PUS10: variants seen among roughly 807,000 people sequenced by gnomAD.
PUS10 encodes the protein tRNA pseudouridine synthase Pus10.
Under a neutral mutation model 75.0 loss-of-function variants are expected in PUS10, and 59 were observed. That is an observed-to-expected ratio of 0.79 (90% CI 0.64 to 0.98). PUS10 has a LOEUF of 0.98. Ranked by LOEUF, PUS10 falls within the 50% of genes least tolerant of loss-of-function variation. The pLI, the probability that PUS10 is intolerant of heterozygous loss-of-function variation, is 0.00. For missense variants in PUS10, 650 were observed against 614.4 expected (o/e 1.06, Z -0.61); for synonymous variants, 219 against 211.6 (o/e 1.03, Z -0.30).
At chr2:60,981,304 A>G (rs1305543738) in intron 4 of PUS10, among the ~76,000 whole-genome samples, 1 of 151,910 alleles carries the variant, frequency 6.6e-6, no homozygotes, top group East Asian at 1.9e-4. Flanking sequence ...TTTTTTTGAG[A>G]CTGAGTCTCG....
At chr2:60,958,236 C>T (rs189840398) in intron 11 of PUS10, among the ~76,000 whole-genome samples, 79 of 152,282 alleles carry the variant, frequency 5.2e-4, no homozygotes, top group African/African-American at 1.8e-3. Context: ...CCCTTCATAA[C>T]CTGCATAAGT....
intron 10 of PUS10, 143 bp downstream of exon 10, chr2:60,961,320 G>T: frequency 3.0e-6 from 2 of 672,948 alleles, no homozygotes; most frequent in Non-Finnish European, 5.3e-6. Flanking sequence ...AAATAAGTTT[G>T]GCTATTGATT....
At chr2:61,014,843 A>G (rs1382782701) in intron 1 of PUS10, among the ~76,000 whole-genome samples, 2 of 152,176 alleles carry the variant, frequency 1.3e-5, no homozygotes, top group African/African-American at 4.8e-5. Context: ...GCGTTTTCCA[A>G]ACCTCTAAAA....
At chr2:61,015,560 G>C (rs1012940550) in intron 1 of PUS10, among the ~76,000 whole-genome samples, 1 of 152,110 alleles carries the variant, frequency 6.6e-6, no homozygotes, top group Non-Finnish European at 1.5e-5. Flanking sequence ...TTAGCCATGC[G>C]TGGTGGCACG....
chr2:61,004,992 T>C (rs2104678547), intron 4 of PUS10, among the ~76,000 whole-genome samples: 1 of 152,252 alleles, frequency 6.6e-6, no homozygotes, highest in Non-Finnish European at 1.5e-5. Context: ...CAGTGACTCA[T>C]GCCTGTAATC....
intron 16 of PUS10, among the ~76,000 whole-genome samples, chr2:60,947,158 T>C (rs1413825061): frequency 1.3e-5 from 2 of 152,360 alleles, no homozygotes; most frequent in South Asian, 4.1e-4. Context: ...TCAAAGCTCT[T>C]TGCAGTCTGA....
Position 60,967,564 on chromosome 2 carries a change from C to G in PUS10, c.553G>C (p.Ala185Pro). ...GRDDIVQLKE[A>P]YKWITHPLFS... Reference sequence around the variant, plus strand: ...AGGGGGTGAGTTATCCATTTGTAGGCTTCTTTTAGCTGAACTATATCATCT... The same window carrying G: ...AGGGGGTGAGTTATCCATTTGTAGGGTTCTTTTAGCTGAACTATATCATCT... Residue 185 changes from alanine to proline, a missense_variant, in exon 6 of 18, where the codon GCC (alanine) becomes CCC (proline). Physicochemically the swap from Ala to Pro is conservative, Grantham distance 27 (BLOSUM62 -1). Transcript: ENST00000316752. The G allele has an allele frequency of 6.2e-7, 1 of 1,609,706 alleles. No individual in the cohort carries two copies. The highest frequency in any genetic ancestry group is 8.5e-7 in the Non-Finnish European group (1 of 1,177,994).
At chr2:60,973,291 G>A (rs1267403483) in intron 4 of PUS10, among the ~76,000 whole-genome samples, 1 of 152,248 alleles carries the variant, frequency 6.6e-6, no homozygotes, top group Non-Finnish European at 1.5e-5. Context: ...GAGGCAGGCA[G>A]TCCCTGGAGT....
At chr2:60,962,992 T>C in intron 8 of PUS10, 102 bp from the exon 9 acceptor site, 1 of 1,425,158 alleles carries the variant, frequency 7.0e-7, no homozygotes, top group Non-Finnish European at 9.1e-7. Context: ...ATCATTTCAT[T>C]ATATCATTTC....
Position 61,011,856 on chromosome 2 carries a change from G to A in PUS10, c.35C>T (p.Ala12Val), listed in dbSNP as rs751736619. ...FPLTEENKHV[A>V]QLLLNTGTCP... ...AGTACCAGTATTGAGCAACAACTGG[G>A]CCACATGCTTGTTTTCCTCAGTCAG... is the stretch of plus-strand genomic sequence containing the variant. Residue 12 changes from alanine to valine, a missense_variant, in exon 2 of 18, where the codon GCC (alanine) becomes GTC (valine). Transcript: ENST00000316752. 6 of 1,606,926 alleles carry A rather than the reference G, an allele frequency of 3.7e-6. No individual in the cohort carries two copies. The highest frequency in any genetic ancestry group is 1.1e-5 in the South Asian group (1 of 89,626).
At position 61,008,857 on chromosome 2, in the gene PUS10, ATGAC is replaced by A; in HGVS notation, c.281_284del (p.Ser94MetfsTer12). On this transcript the variant is annotated frameshift_variant, in exon 3 of 18. Transcript: ENST00000316752. LOFTEE classifies it high-confidence loss of function. Reference sequence around the variant, plus strand: ...AGTTCTTGGAAGCAGTGCTTCCAACATGACTAACAGAGATCCTTCCCTCTCCATT... The same window carrying A: ...AGTTCTTGGAAGCAGTGCTTCCAACATAACAGAGATCCTTCCCTCTCCATT... The A allele has an allele frequency of 6.2e-7, 1 of 1,613,578 alleles. No homozygotes were observed. Among genetic ancestry groups the A allele is most frequent in the Non-Finnish European group, 8.5e-7 (1 of 1,179,652 alleles).
intron 15 of PUS10, among the ~76,000 whole-genome samples, chr2:60,949,776 T>C (rs1349367161): frequency 6.6e-6 from 1 of 152,226 alleles, no homozygotes; most frequent in Non-Finnish European, 1.5e-5. Flanking sequence ...TCTGTACCTA[T>C]GAAAATCATC....
rs769152849 is a variant in PUS10, at chr2:61,011,892, T to C, written c.-2A>G. ...GTTTTCCTCAGTCAGTGGGAACATA[T>C]TGAATAATTATAACTAGAAAGAAAA... On this transcript the variant is annotated 5_prime_UTR_variant, in exon 2 of 18. Coordinates refer to ENST00000316752, the MANE Select transcript of PUS10 (RefSeq NM_144709.4). 8.8e-6 allele frequency: 14 copies of C among 1,595,320 alleles called. No individual in the cohort carries two copies. The highest frequency in any genetic ancestry group is 6.8e-5 in the African/African-American group (5 of 73,734).
At position 60,999,343 on chromosome 2, in the gene PUS10, G is replaced by A. The variant is rs377010623; in HGVS notation, c.468+7214C>T. 5.9e-5 allele frequency among the ~76,000 whole-genome samples: 9 copies of A among 152,084 alleles called. No individual in the cohort carries two copies. The East Asian group carries it at 1.2e-3, about 20-fold the overall frequency. On this transcript the variant is annotated intron_variant, in intron 4 of 17. Coordinates refer to ENST00000316752, the MANE Select transcript of PUS10 (RefSeq NM_144709.4). Reference sequence around the variant, plus strand: ...AATATAAAATAACCACTATAGGGCCGGGTGCAGTAGCCTGTAATACTAGCA... The same window carrying A: ...AATATAAAATAACCACTATAGGGCCAGGTGCAGTAGCCTGTAATACTAGCA...
chr2:61,002,319 C>A (rs1040417853), intron 4 of PUS10, among the ~76,000 whole-genome samples: 1 of 152,132 alleles, frequency 6.6e-6, no homozygotes, highest in Non-Finnish European at 1.5e-5. Flanking sequence ...CATCATGTGC[C>A]GAAACACTGG....
intron 11 of PUS10, 78 bp from the exon 12 acceptor site, chr2:60,955,152 C>T: frequency 1.1e-6 from 1 of 875,436 alleles, no homozygotes; most frequent in Non-Finnish European, 1.8e-6. Context: ...TTGCTAGAAA[C>T]CCAACTGAAG....
intron 4 of PUS10, among the ~76,000 whole-genome samples, chr2:60,998,355 A>T (rs1428513879): frequency 6.6e-6 from 1 of 152,194 alleles, no homozygotes; most frequent in Non-Finnish European, 1.5e-5. Context: ...AGATTTAAGT[A>T]AAAATCCAAA....
At chr2:60,943,945 G>A (rs773210104) in intron 17 of PUS10, among the ~76,000 whole-genome samples, 2 of 151,878 alleles carry the variant, frequency 1.3e-5, no homozygotes, top group Non-Finnish European at 2.9e-5. Context: ...GGGCAACACG[G>A]TGAGACCCCA....
intron 3 of PUS10, among the ~76,000 whole-genome samples, chr2:61,007,270 A>C (rs1679278396): frequency 6.6e-6 from 1 of 151,996 alleles, no homozygotes; most frequent in African/African-American, 2.4e-5. Flanking sequence ...GTGTGAAACA[A>C]GTTGAAATGA....
Sources: gnomAD v4.1 joint callset for allele counts (sites outside exome capture counted in the v4.1 genomes callset) on GRCh38, gnomAD v4.1.1 for gene constraint, MANE v1.5 for transcripts, NCBI Gene and HGNC (gene_info 2026-07-23, HGNC 2026-07-21) for gene names.